Variants in POLQ observed in about 807,000 individuals in gnomAD.
The protein encoded by POLQ is epididymis secretory sperm binding protein.
In POLQ, 233 loss-of-function variants were observed where a neutral mutation model predicts 259.2. The ratio of observed to expected loss-of-function variants is 0.90; its 90% CI spans 0.81 to 1.00. The LOEUF (loss-of-function observed/expected upper bound fraction) is 1.00. POLQ is among the 50% of genes least tolerant of loss of function. The pLI, the probability that POLQ is intolerant of heterozygous loss-of-function variation, is 0.00. For missense variants in POLQ, 2,871 were observed against 3,051.6 expected (o/e 0.94, Z 1.39); for synonymous variants, 1,025 against 1,048.8 (o/e 0.98, Z 0.44).
rs1450194016 is a variant in POLQ, at chr3:121,473,553, TTTAAG to T, written c.6406-71_6406-67del. 1.8e-5 allele frequency: 24 copies of T among 1,352,580 alleles called. No individual in the cohort carries two copies. In the African/African-American group the frequency reaches 2.6e-4, roughly 15 times the overall value. The allele number at this position is 1,352,580 out of a possible 1,614,324, so 83.8% of individuals were successfully genotyped here. Reference sequence around the variant, plus strand: ...GCAAGGATTATCATTCAGAAAATATTTTAAGTTATTTCAGAAAACAATCTCTACAG... The same window carrying T: ...GCAAGGATTATCATTCAGAAAATATTTTATTTCAGAAAACAATCTCTACAG... On this transcript the variant is annotated intron_variant, in intron 20 of 29. Transcript: ENST00000264233.
chr3:121,478,455 A>G (rs2047944210), intron 19 of POLQ, among the ~76,000 whole-genome samples: 1 of 152,106 alleles, frequency 6.6e-6, no homozygotes, highest in Non-Finnish European at 1.5e-5. Flanking sequence ...CTGTGAATGA[A>G]CTACTTACAA....
At position 121,460,097 on chromosome 3, in the gene POLQ, TC is replaced by T. The variant is rs748246811; in HGVS notation, c.7104del (p.Met2368IlefsTer11). On this transcript the variant is annotated frameshift_variant, in exon 25 of 30. Coordinates refer to ENST00000264233, the MANE Select transcript of POLQ (RefSeq NM_199420.4). LOFTEE classifies it high-confidence loss of function. ...VFRSIAAEWK[M>X]IEPESVGDDL... ...TCATCCCCAACAGACTCTGGCTCAA[TC>T]ATCTTCCACTCTGCTGCAATGCTCC... The T allele has an allele frequency of 1.2e-6, 2 of 1,614,030 alleles. No homozygotes were observed.
rs183461514 is a variant in POLQ at position 121,473,438 on chromosome 3, T to C, written c.6455A>G (p.Gln2152Arg). 1.2e-6 allele frequency: 2 copies of C among 1,613,740 alleles called. No homozygotes were observed. The highest frequency in any genetic ancestry group is 2.2e-5 in the East Asian group (1 of 44,888). Reference protein sequence around the residue: ...KLPPNREMKNQGSKKTLGSTR... With the variant: ...KLPPNREMKNRGSKKTLGSTR... ...AGAACCCAGAGTTTTCTTGCTGCCT[T>C]GGTTTTTCATCTCTCTATTTGGGGG... The change falls in exon 21 of 30, where the codon CAA (glutamine) becomes CGA (arginine). Residue 2152 changes from glutamine to arginine, a missense_variant. Around this residue, in one of 3 missense-constraint regions of POLQ, gnomAD observed 2,080 missense variants for 2,126.0 expected, o/e 0.98. Transcript: ENST00000264233.
chr3:121,459,508 A>G (rs1217035645), intron 25 of POLQ, among the ~76,000 whole-genome samples: 1 of 151,220 alleles, frequency 6.6e-6, no homozygotes, highest in Non-Finnish European at 1.5e-5. Context: ...CAGCCTCCCA[A>G]GTAGCTGGGA....
In POLQ at chr3:121,488,225, G is replaced by A; in HGVS notation, c.4706C>T (p.Ala1569Val). The A allele has an allele frequency of 2.5e-6, 4 of 1,613,410 alleles. No homozygotes were observed. Among genetic ancestry groups the A allele is most frequent in the Non-Finnish European group, 3.4e-6 (4 of 1,179,766 alleles). The change falls in exon 16 of 30, where the codon GCT becomes GTT. Residue 1569 changes from alanine to valine, a missense_variant. By Grantham distance (64) the Ala-to-Val change is moderately conservative. Coordinates refer to ENST00000264233, the MANE Select transcript of POLQ (RefSeq NM_199420.4). ...AGGAAATATATCCACATTGTCCAAA[G>A]CTTCAACCATCTGAACAGAATCCAT... ...SEMDSVQMVE[A>V]LDNVDIFPVQ...
intron 24 of POLQ, among the ~76,000 whole-genome samples, chr3:121,461,551 T>C (rs2047791415): frequency 2.6e-5 from 4 of 151,128 alleles, no homozygotes; most frequent in Middle Eastern, 3.4e-3. Flanking sequence ...GTCGGGAGGC[T>C]GACGCTGGAG....
chr3:121,496,861 C>G lies in POLQ; in HGVS notation c.2225G>C (p.Gly742Ala). ...VPLREINQKYGCNRGQIQSLQ... is the reference protein window; with the variant it reads ...VPLREINQKYACNRGQIQSLQ... ...AGATTGAATCTGCCCACGATTGCAT[C>G]CATATTTCTGATTTATTTCCCTTAA... Residue 742 changes from glycine to alanine, a missense_variant, in exon 14 of 30, where the codon GGA becomes GCA. Coordinates refer to ENST00000264233, the MANE Select transcript of POLQ (RefSeq NM_199420.4). The G allele has an allele frequency of 6.2e-7, 1 of 1,613,750 alleles. No homozygotes were observed. The highest frequency in any genetic ancestry group is 8.5e-7 in the Non-Finnish European group (1 of 1,179,836).
rs3045625 is a variant in POLQ at position 121,491,346 on chromosome 3, CAAAAAAAAAAAAA to C, written c.2523-951_2523-939del. Among the ~76,000 whole-genome samples the C allele has an allele frequency of 1.1e-3, 82 of 77,998 alleles. 1 individual carries two copies. The East Asian group carries it at 0.026, about 24-fold the overall frequency. The allele number at this position is 77,998 out of a possible 152,430, so 51.2% of individuals were successfully genotyped here. A position where few individuals can be genotyped will look rare whatever the true frequency, so the allele number is the denominator to read the frequency against. On this transcript the variant is annotated intron_variant, in intron 15 of 29. Transcript: ENST00000264233. Reference sequence around the variant, plus strand: ...CCAGGGCGACAGAGCGAGACTGTCACAAAAAAAAAAAAAAAAAAAAAAAAAGACAAGACAAGAA... The same window carrying C: ...CCAGGGCGACAGAGCGAGACTGTCACAAAAAAAAAAAAGACAAGACAAGAA...
intron 3 of POLQ, among the ~76,000 whole-genome samples, chr3:121,540,844 C>A (rs1289188240): frequency 6.6e-6 from 1 of 151,980 alleles, no homozygotes; most frequent in African/African-American, 2.4e-5. Flanking sequence ...ATGGCCCCTT[C>A]TCCTTAATGC....
At position 121,539,239 on chromosome 3, in the gene POLQ, G is replaced by A. The variant is rs142733525; in HGVS notation, c.631+194C>T. 2.8e-3 allele frequency among the ~76,000 whole-genome samples: 421 copies of A among 152,206 alleles called. 3 individuals are homozygous for A. The highest frequency in any genetic ancestry group is 9.0e-3 in the African/African-American group (375 of 41,526). On this transcript the variant is annotated intron_variant, in intron 4 of 29. Coordinates refer to ENST00000264233, the MANE Select transcript of POLQ (RefSeq NM_199420.4). ...GTAAAGTACAAAAATGCAACGTAAC[G>A]GAGTCAATAACAGCAGCAGGACACA...
chr3:121,535,548 T>C (rs2048443878), intron 5 of POLQ, among the ~76,000 whole-genome samples: 1 of 151,684 alleles, frequency 6.6e-6, no homozygotes, highest in African/African-American at 2.4e-5. Flanking sequence ...AAACCCTGTC[T>C]CTACTAAAAA....
chr3:121,455,780 T>A (rs2047730650), intron 25 of POLQ, among the ~76,000 whole-genome samples: 1 of 152,154 alleles, frequency 6.6e-6, no homozygotes, highest in Non-Finnish European at 1.5e-5. Flanking sequence ...ACCAGATGGA[T>A]TCACAGCCAA....
chr3:121,478,918 T>TA (rs1449621178), intron 19 of POLQ, among the ~76,000 whole-genome samples: 15 of 152,164 alleles, frequency 9.9e-5, no homozygotes, highest in Non-Finnish European at 1.3e-4. Flanking sequence ...TAGAATATTT[T>TA]AAAAACAACT....
chr3:121,457,317 G>C (rs1201048666), intron 25 of POLQ, among the ~76,000 whole-genome samples: 1 of 152,166 alleles, frequency 6.6e-6, no homozygotes, highest in Non-Finnish European at 1.5e-5. Flanking sequence ...TCAGGACATA[G>C]GCATGGGCAA....
At chr3:121,475,996 G>A (rs1174523645) in intron 20 of POLQ, among the ~76,000 whole-genome samples, 1 of 151,310 alleles carries the variant, frequency 6.6e-6, no homozygotes, top group Non-Finnish European at 1.5e-5. Context: ...GAGAAACCAA[G>A]TTCCTCATTT....
intron 13 of POLQ, 27 bp downstream of exon 13, chr3:121,498,450 G>A (rs41559618): frequency 0.033 from 51,305 of 1,559,200 alleles, 1,010 homozygotes; most frequent in Non-Finnish European, 0.041. Context: ...GTTAAATACC[G>A]GAGAGCCCAG....
intron 24 of POLQ, among the ~76,000 whole-genome samples, chr3:121,464,224 T>C (rs1576406123): frequency 6.6e-6 from 1 of 152,240 alleles, no homozygotes; most frequent in East Asian, 1.9e-4. Flanking sequence ...TGAAAACTTT[T>C]CATAAAACAA....
At chr3:121,456,291 A>G (rs2108781870) in intron 25 of POLQ, among the ~76,000 whole-genome samples, 1 of 152,206 alleles carries the variant, frequency 6.6e-6, no homozygotes, top group South Asian at 2.1e-4. Flanking sequence ...GAACGGGCAA[A>G]AACTGGAAGC....
chr3:121,489,416 A>C lies in POLQ; in HGVS notation c.3515T>G (p.Leu1172Arg). The C allele has an allele frequency of 6.2e-7, 1 of 1,614,024 alleles. No homozygotes were observed. The highest frequency in any genetic ancestry group is 1.3e-5 in the African/African-American group (1 of 75,040). The part of the protein sequence containing the change: ...AVEAEKINEV[L>R]IQNGSKNQNV... Reference sequence around the variant, plus strand: ...CTGGTTTTTTGAACCATTTTGTATCAGCACTTCATTTATTTTTTCTGCCTC... The same window carrying C: ...CTGGTTTTTTGAACCATTTTGTATCCGCACTTCATTTATTTTTTCTGCCTC... The change falls in exon 16 of 30, where the codon CTG becomes CGG. Residue 1172 changes from leucine (L) to arginine (R), a missense_variant. Transcript: ENST00000264233.
Sources: gnomAD v4.1 joint callset for allele counts (sites outside exome capture counted in the v4.1 genomes callset) on GRCh38, gnomAD v4.1.1 for gene constraint, gnomAD v4.1.1 regional missense constraint, MANE v1.5 for transcripts, NCBI Gene and HGNC (gene_info 2026-07-23, HGNC 2026-07-21) for gene names.